The following CCDC88B variants were observed in gnomAD, a reference collection of about 807,000 sequenced individuals.
The protein encoded by CCDC88B is coiled-coil domain-containing protein 88B.
In CCDC88B, 138 loss-of-function variants were observed where a neutral mutation model predicts 183.7. The ratio of observed to expected loss-of-function variants is 0.75; its 90% CI spans 0.65 to 0.87. The LOEUF (loss-of-function observed/expected upper bound fraction) is 0.87, where lower values mean the gene tolerates loss of function less well. Ranked by LOEUF, CCDC88B falls within the 40% of genes least tolerant of loss-of-function variation. The pLI is 0.00. For synonymous variants in CCDC88B, 835 were observed against 867.5 expected (o/e 0.96, Z 0.66); for missense variants, 1,822 against 1,965.6 (o/e 0.93, Z 1.38).
Position 64,354,179 on chromosome 11 carries a change from G to T in CCDC88B, c.4099+9G>T. 7.4e-7 allele frequency: 1 copy of T among 1,342,566 alleles called. No individual in the cohort carries two copies. The highest frequency in any genetic ancestry group is 9.6e-7 in the Non-Finnish European group (1 of 1,040,792). 83.2% of individuals were successfully genotyped at this position (1,342,566 alleles called of 1,614,324 possible). ...GGAGGCAGATGGGACAGGTGGGTCT[G>T]GGGGTCAGGTGGCCAGGATGGTCCC... On this transcript the variant is annotated intron_variant, in intron 24 of 26. Coordinates refer to ENST00000356786, the MANE Select transcript of CCDC88B (RefSeq NM_032251.6).
Position 64,340,928 on chromosome 11 carries a change from A to T in CCDC88B, c.228A>T (p.Gly76=). 1 of 1,566,378 alleles carries T rather than the reference A, an allele frequency of 6.4e-7. No homozygotes were observed. The highest frequency in any genetic ancestry group is 1.2e-5 in the South Asian group (1 of 84,178). Residue 76 remains glycine (G), a synonymous_variant, in exon 3 of 27, where the codon GGA becomes GGT. Coordinates refer to ENST00000356786, the MANE Select transcript of CCDC88B (RefSeq NM_032251.6). ...ATAGTGCCCCCAGCTCCCGAGGGGG[A>T]CCTCGGATGCTCAGAGGCCTTGACG... ...LGIIAPSSRG[G]PRMLRGLDGP...
rs1308796667 is a variant in CCDC88B, at chr11:64,353,195, C to T, written c.3642C>T (p.Asn1214=). Residue 1214 remains asparagine, a synonymous_variant, in exon 21 of 27, where the codon AAC becomes AAT. Transcript: ENST00000356786. ...EMQSQQLRES[N]QQLDLSACRL... is the part of the protein sequence containing the mutation. ...AGAGCCAGCAGCTGCGCGAGTCCAA[C>T]CAGCAGCTGGACCTGAGCGCCTGCC... 6.3e-7 allele frequency: 1 copy of T among 1,577,434 alleles called. No homozygotes were observed. Among genetic ancestry groups the T allele is most frequent in the South Asian group, 1.1e-5 (1 of 86,996 alleles).
chr11:64,352,718 C>A, intron 19 of CCDC88B, 26 bp from the exon 20 acceptor site: 1 of 1,613,018 alleles, frequency 6.2e-7, no homozygotes, highest in Non-Finnish European at 8.5e-7. Flanking sequence ...GTTCACACAG[C>A]CCTCTTAGCC....
At chr11:64,350,524 C>T (rs1350173378) in intron 16 of CCDC88B, 2 of 151,998 alleles carry the variant, frequency 1.3e-5, no homozygotes, top group Admixed American at 6.5e-5. Flanking sequence ...ACAACAACAA[C>T]AAAAATTAGC....
chr11:64,357,517 T>C lies in CCDC88B; in HGVS notation c.*423T>C. 1 of 686,736 alleles carries C rather than the reference T, an allele frequency of 1.5e-6. No individual in the cohort carries two copies. The highest frequency in any genetic ancestry group is 2.7e-6 in the Non-Finnish European group (1 of 367,294). The allele number at this position is 686,736 out of a possible 1,614,324, so 42.5% of individuals were successfully genotyped here. A position where few individuals can be genotyped will look rare whatever the true frequency, so the allele number is the denominator to read the frequency against. ...GACATGAGGGGCATGAGAATAAAGC[T>C]GAACTGCAGCCTCCTGAGTCTTGCT... On this transcript the variant is annotated 3_prime_UTR_variant, in exon 27 of 27. Coordinates refer to ENST00000356786, the MANE Select transcript of CCDC88B (RefSeq NM_032251.6).
rs779932010 is a variant in CCDC88B, at chr11:64,353,127, C to T, written c.3574C>T (p.Arg1192Trp). Residue 1192 changes from arginine to tryptophan, a missense_variant, in exon 21 of 27, where the codon CGG becomes TGG. Physicochemically the swap from Arg to Trp is moderately radical, Grantham distance 101. Transcript: ENST00000356786. ...LQGERGELRG[R>W]LARLELERAQ... ...GGGTGAACGCGGGGAGCTACGGGGC[C>T]GGCTGGCGCGGCTGGAGCTGGAGCG... The T allele has an allele frequency of 1.3e-5, 20 of 1,599,000 alleles. No individual in the cohort carries two copies. The highest frequency in any genetic ancestry group is 4.3e-4 in the Middle Eastern group (2 of 4,698).
At position 64,341,974 on chromosome 11, in the gene CCDC88B, C is replaced by T; in HGVS notation, c.676-20C>T. 1 of 1,612,236 alleles carries T rather than the reference C, an allele frequency of 6.2e-7. No homozygotes were observed. Among genetic ancestry groups the T allele is most frequent in the Admixed American group, 1.7e-5 (1 of 59,948 alleles). On this transcript the variant is annotated intron_variant, in intron 7 of 26. Transcript: ENST00000356786. The stretch of plus-strand genomic sequence containing the variant: ...AGGCATTGGATAAGTTAGTCCTGAC[C>T]CTTGACCCCTGACCTACAGCGGCTG...
At chr11:64,348,842 C>G (rs2036215893) in intron 14 of CCDC88B, 2 of 604,656 alleles carry the variant, frequency 3.3e-6, no homozygotes, top group Non-Finnish European at 6.0e-6. Flanking sequence ...TGGCAGCATC[C>G]TGGCGCCCCC....
chr11:64,354,062 G>T lies in CCDC88B; in HGVS notation c.3991G>T (p.Gly1331Cys), dbSNP rs770952526. The T allele has an allele frequency of 1.4e-6, 2 of 1,449,674 alleles. No homozygotes were observed. The highest frequency in any genetic ancestry group is 1.8e-6 in the Non-Finnish European group (2 of 1,096,218). The allele number at this position is 1,449,674 out of a possible 1,614,324, so 89.8% of individuals were successfully genotyped here. A position where few individuals can be genotyped will look rare whatever the true frequency, so the allele number is the denominator to read the frequency against. ...GCTGATGCGGCCCCGGCGGGAGGGG[G>T]GCCCCCCTGGGGGGCTGCGCCTGGG... Reference protein sequence around the residue: ...KRLMRPRREGGPPGGLRLGAD... With the variant: ...KRLMRPRREGCPPGGLRLGAD... The change falls in exon 24 of 27, where the codon GGC (glycine) becomes TGC (cysteine). Residue 1331 changes from glycine (G) to cysteine (C), a missense_variant. Coordinates refer to ENST00000356786, the MANE Select transcript of CCDC88B (RefSeq NM_032251.6).
In CCDC88B at chr11:64,344,435, G is replaced by A; in HGVS notation, c.1894G>A (p.Gly632Ser). 2 of 1,591,752 alleles carry A rather than the reference G, an allele frequency of 1.3e-6. No homozygotes were observed. Among genetic ancestry groups the A allele is most frequent in the Non-Finnish European group, 8.6e-7 (1 of 1,169,438 alleles). Residue 632 changes from glycine (G) to serine (S), a missense_variant, in exon 14 of 27, where the codon GGC becomes AGC. By Grantham distance (56) the Gly-to-Ser change is moderately conservative. Coordinates refer to ENST00000356786, the MANE Select transcript of CCDC88B (RefSeq NM_032251.6). The surrounding 1 kb of genome is among the most constrained non-coding windows in gnomAD (Gnocchi z 4.5). ...GETEGREAPQ[G>S]ELVPEAWGLR... Reference sequence around the variant, plus strand: ...GACAGAGGGAAGAGAGGCTCCCCAAGGCGAGTTGGTGCCTGAGGCCTGGGG... The same window carrying A: ...GACAGAGGGAAGAGAGGCTCCCCAAAGCGAGTTGGTGCCTGAGGCCTGGGG...
Position 64,355,621 on chromosome 11 carries a change from C to T in CCDC88B, c.4368C>T (p.Asn1456=). 1.9e-6 allele frequency: 3 copies of T among 1,611,268 alleles called. No homozygotes were observed. Among genetic ancestry groups the T allele is most frequent in the Non-Finnish European group, 2.5e-6 (3 of 1,178,964 alleles). The part of the protein sequence containing the change: ...ETLQEHETDA[N]REGPEVQEPE... Reference sequence around the variant, plus strand: ...TGCAGGAACACGAAACAGATGCCAACCGAGAGGGTGAGTGGGGGACTGTGG... The same window carrying T: ...TGCAGGAACACGAAACAGATGCCAATCGAGAGGGTGAGTGGGGGACTGTGG... Residue 1456 remains asparagine, a synonymous_variant, in exon 26 of 27, where the codon AAC becomes AAT. Coordinates refer to ENST00000356786, the MANE Select transcript of CCDC88B (RefSeq NM_032251.6).
In CCDC88B at chr11:64,344,768, G is replaced by T. The variant is rs2135307095; in HGVS notation, c.2227G>T (p.Ala743Ser). 2 of 1,613,910 alleles carry T rather than the reference G, an allele frequency of 1.2e-6. No homozygotes were observed. Among genetic ancestry groups the T allele is most frequent in the Non-Finnish European group, 1.7e-6 (2 of 1,179,998 alleles). The change falls in exon 14 of 27, where the codon GCC becomes TCC. Residue 743 changes from alanine (A) to serine (S), a missense_variant. Ala to Ser is a moderately conservative substitution (Grantham distance 99). Coordinates refer to ENST00000356786, the MANE Select transcript of CCDC88B (RefSeq NM_032251.6). The surrounding 1 kb of genome is among the most constrained non-coding windows in gnomAD (Gnocchi z 4.5). ...GGCACAGTTGAGGAGAAAGGCTGAG[G>T]CCCTTGGAGATGAGCTGGAAGCCCA... is the stretch of plus-strand genomic sequence containing the variant. ...EVAQLRRKAE[A>S]LGDELEAQAR...
intron 10 of CCDC88B, 99 bp downstream of exon 10, chr11:64,342,779 G>T: frequency 7.4e-7 from 1 of 1,342,940 alleles, no homozygotes; most frequent in Non-Finnish European, 9.8e-7. Context: ...CAGGTTCTCT[G>T]GAGGGGACAG....
Position 64,355,298 on chromosome 11 carries a change from G to A in CCDC88B, c.4204G>A (p.Val1402Met). The A allele has an allele frequency of 6.3e-7, 1 of 1,592,396 alleles. No individual in the cohort carries two copies. ...QRRKLSSRFP[V>M]GRSSESFSPG... ...GCGGAAACTCAGCTCAAGGTTCCCG[G>A]TGGGGCGAAGCTCTGAGTCATTCAG... is the stretch of plus-strand genomic sequence containing the variant. Residue 1402 changes from valine to methionine, a missense_variant, in exon 25 of 27, where the codon GTG (valine) becomes ATG (methionine). By Grantham distance (21) the Val-to-Met change is conservative. Transcript: ENST00000356786.
chr11:64,355,749 G>A, intron 26 of CCDC88B, 121 bp downstream of exon 26: 1 of 947,006 alleles, frequency 1.1e-6, no homozygotes, highest in Non-Finnish European at 1.6e-6. Context: ...GTGACGTGCT[G>A]GCAGGGGACA....
At chr11:64,349,512 G>T (rs372520985) in intron 15 of CCDC88B, 39 bp from the exon 16 acceptor site, 175 of 1,577,724 alleles carry the variant, frequency 1.1e-4, no homozygotes, top group Non-Finnish European at 1.5e-4. Flanking sequence ...GGTGGGGCGA[G>T]GGTGGGGTGG....
At position 64,344,431 on chromosome 11, in the gene CCDC88B, C is replaced by T. The variant is rs757610897; in HGVS notation, c.1890C>T (p.Pro630=). The change falls in exon 14 of 27, where the codon CCC becomes CCT. Residue 630 remains proline (P), a synonymous_variant. Coordinates refer to ENST00000356786, the MANE Select transcript of CCDC88B (RefSeq NM_032251.6). This position sits in a 1 kb window ranked among gnomAD's most constrained non-coding sequence, Gnocchi z 4.5. ...LGGETEGREA[P]QGELVPEAWG... is the part of the protein sequence containing the mutation. ...GAGAGACAGAGGGAAGAGAGGCTCC[C>T]CAAGGCGAGTTGGTGCCTGAGGCCT... The T allele has an allele frequency of 3.8e-6, 6 of 1,591,548 alleles. No homozygotes were observed. Among genetic ancestry groups the T allele is most frequent in the Non-Finnish European group, 1.7e-6 (2 of 1,169,378 alleles).
At position 64,345,004 on chromosome 11, in the gene CCDC88B, G is replaced by T; in HGVS notation, c.2463G>T (p.Ala821=). 1 of 1,546,720 alleles carries T rather than the reference G, an allele frequency of 6.5e-7. No homozygotes were observed. Residue 821 remains alanine, a synonymous_variant, in exon 14 of 27, where the codon GCG becomes GCT. Transcript: ENST00000356786. ...REALVEALAA[A]GRERRQWERE... ...CGCTGGTGGAGGCGCTGGCAGCAGC[G>T]GGCCGGGAGCGGAGGCAGTGGGAGC... is the stretch of plus-strand genomic sequence containing the variant.
intron 10 of CCDC88B, chr11:64,342,915 C>G (rs1229556119): frequency 2.8e-5 from 10 of 358,572 alleles, no homozygotes; most frequent in Non-Finnish European, 4.6e-5. Context: ...GGAAGGAGGG[C>G]TGTTCCCGGG....
Sources: gnomAD v4.1 joint callset for allele counts on GRCh38, gnomAD v4.1.1 for gene constraint, Gnocchi (gnomAD v3.1) non-coding constraint, MANE v1.5 for transcripts, NCBI Gene and HGNC (gene_info 2026-07-23, HGNC 2026-07-21) for gene names.